The following REL variants were observed in gnomAD, a reference collection of about 807,000 sequenced individuals.
REL encodes the protein REL proto-oncogene, NF-kB subunit, also known as proto-oncogene c-Rel.
In REL, 15 loss-of-function variants were observed where a neutral mutation model predicts 45.9. The ratio of observed to expected loss-of-function variants is 0.33; its 90% CI spans 0.22 to 0.50. REL has a LOEUF of 0.50. Among genes scored for constraint, REL ranks in the 20% least tolerant of loss-of-function variants. The pLI is 0.98. For synonymous variants in REL, 239 were observed against 242.1 expected, an observed-to-expected ratio of 0.99 and a Z score of 0.12; for missense variants, 601 against 715.2, an observed-to-expected ratio of 0.84 and a Z score of 1.82.
chr2:60,894,611 A>G (rs1258786793), intron 3 of REL, 66 bp downstream of exon 3: 4 of 1,226,422 alleles, frequency 3.3e-6, no homozygotes, highest in Non-Finnish European at 4.4e-6. Flanking sequence ...TTTCTTCTCC[A>G]TGACAATCTG....
intron 1 of REL, among the ~76,000 whole-genome samples, chr2:60,882,499 A>G (rs1376734238): frequency 6.6e-6 from 1 of 152,012 alleles, no homozygotes; most frequent in African/African-American, 2.4e-5. Context: ...ACATGGTGAA[A>G]CCCCGTCTCT....
At position 60,904,949 on chromosome 2, in the gene REL, A is replaced by G. The variant is rs568279672; in HGVS notation, c.394+3866A>G. Among the ~76,000 whole-genome samples, 48 of 152,284 alleles carry G rather than the reference A, an allele frequency of 3.2e-4. 1 individual carries two copies. In the South Asian group the frequency reaches 7.3e-3, roughly 23 times the overall value. ...TATATAGCTGATGAGTGGTAGAGCT[A>G]GGATTTGAACATAGGGAGCCCCTGA... On this transcript the variant is annotated intron_variant, in intron 4 of 9. Coordinates refer to ENST00000394479, the MANE Select transcript of REL (RefSeq NM_001291746.2).
At chr2:60,892,205 T>A (rs2103928692) in intron 2 of REL, among the ~76,000 whole-genome samples, 1 of 152,294 alleles carries the variant, frequency 6.6e-6, no homozygotes, top group South Asian at 2.1e-4. Context: ...TAAACATGGA[T>A]TTGAGAACTC....
intron 1 of REL, among the ~76,000 whole-genome samples, chr2:60,890,038 T>C (rs1016253023): frequency 3.9e-5 from 6 of 152,246 alleles, no homozygotes; most frequent in Non-Finnish European, 7.3e-5. Flanking sequence ...ACTTCCACAA[T>C]GGTTGAACTA....
At chr2:60,900,523 ACTT>A (rs1311884655) in intron 3 of REL, 8 of 154,570 alleles carry the variant, frequency 5.2e-5, no homozygotes, top group East Asian at 3.6e-4. Flanking sequence ...GTACAACCCC[ACTT>A]CTTTTTTTTT....
chr2:60,911,002 A>G (rs938853653), intron 4 of REL, among the ~76,000 whole-genome samples: 2 of 152,218 alleles, frequency 1.3e-5, no homozygotes, highest in African/African-American at 4.8e-5. Context: ...GTATTATAGA[A>G]TGATATGTAT....
rs1404698020 is a variant in REL, at chr2:60,930,106, A to T, written c.*7571A>T. The T allele has an allele frequency of 9.2e-5, 14 of 152,392 alleles. No individual in the cohort carries two copies. The highest frequency in any genetic ancestry group is 7.8e-4 in the Admixed American group (12 of 15,300). 9.4% of individuals were successfully genotyped at this position (152,392 alleles called of 1,614,324 possible). ...ACATGCTTTTAAATAGCATGGAGAA[A>T]TGGAAAGAATAGGGACTTTTTACTC... On this transcript the variant is annotated 3_prime_UTR_variant, in exon 10 of 10. Transcript: ENST00000394479.
At chr2:60,904,432 G>A (rs941895613) in intron 4 of REL, among the ~76,000 whole-genome samples, 3 of 151,362 alleles carry the variant, frequency 2.0e-5, no homozygotes, top group Admixed American at 6.6e-5. Flanking sequence ...TTAGCCGGGC[G>A]TGGTGGCGCA....
intron 4 of REL, among the ~76,000 whole-genome samples, chr2:60,905,695 G>A (rs1673628209): frequency 6.6e-6 from 1 of 152,082 alleles, no homozygotes; most frequent in African/African-American, 2.4e-5. Flanking sequence ...TAGAGCAGGA[G>A]TGAAAGTTTA....
chr2:60,930,155 A>G lies in REL; in HGVS notation c.*7620A>G, dbSNP rs1674354823. ...TCAGGTAATACCCAGCCTGCTACCT[A>G]ACAGGTTGTGTTGTACTAAATAAAA... On this transcript the variant is annotated 3_prime_UTR_variant, in exon 10 of 10. Transcript: ENST00000394479. 2 of 152,314 alleles carry G rather than the reference A, an allele frequency of 1.3e-5. No individual in the cohort carries two copies. The highest frequency in any genetic ancestry group is 6.5e-5 in the Admixed American group (1 of 15,284). The allele number at this position is 152,314 out of a possible 1,614,324, so 9.4% of individuals were successfully genotyped here.
At chr2:60,893,665 A>C (rs191801318) in intron 2 of REL, among the ~76,000 whole-genome samples, 5 of 152,278 alleles carry the variant, frequency 3.3e-5, no homozygotes, top group Non-Finnish European at 7.4e-5. Context: ...TTTAAATTCA[A>C]AATTATGGAT....
chr2:60,915,978 G>T (rs757556241), intron 4 of REL, among the ~76,000 whole-genome samples: 8 of 152,148 alleles, frequency 5.3e-5, no homozygotes, highest in Non-Finnish European at 8.8e-5. Flanking sequence ...ATACTCTTGT[G>T]TATGTCATTT....
At chr2:60,914,519 A>G (rs1407189948) in intron 4 of REL, among the ~76,000 whole-genome samples, 1 of 152,188 alleles carries the variant, frequency 6.6e-6, no homozygotes, top group Non-Finnish European at 1.5e-5. Flanking sequence ...TTTATGTGCC[A>G]TTTAAAAATA....
intron 8 of REL, 51 bp downstream of exon 8, chr2:60,920,160 CTTTA>C: frequency 7.7e-7 from 1 of 1,302,210 alleles, no homozygotes; most frequent in Non-Finnish European, 1.1e-6. Flanking sequence ...GTTTTATTTA[CTTTA>C]TTCAGTTTTT....
At position 60,910,464 on chromosome 2, in the gene REL, C is replaced by CA. The variant is rs58492515; in HGVS notation, c.395-6403dup. Among the ~76,000 whole-genome samples, 180 of 62,174 alleles carry CA rather than the reference C, an allele frequency of 2.9e-3. 1 individual carries two copies. The highest frequency in any genetic ancestry group is 7.2e-3 in the Admixed American group (40 of 5,526). 40.8% of individuals were successfully genotyped at this position (62,174 alleles called of 152,430 possible). A position where few individuals can be genotyped will look rare whatever the true frequency, so the allele number is the denominator to read the frequency against. On this transcript the variant is annotated intron_variant, in intron 4 of 9. Transcript: ENST00000394479. ...TGGGTGACAGAGTGAGACTCCATCT[C>CA]AAAAAAAAAACAAAAAACAAAAAAA...
intron 4 of REL, among the ~76,000 whole-genome samples, chr2:60,911,994 CAAAAAAAAA>C (rs763342298): frequency 1.6e-4 from 6 of 37,320 alleles, no homozygotes; most frequent in African/African-American, 5.1e-4. Flanking sequence ...AAGACTGTCT[CAAAAAAAAA>C]AAAAAAAAAA....
chr2:60,917,075 T>G (rs1673988993), intron 5 of REL, 58 bp downstream of exon 5: 4 of 1,414,454 alleles, frequency 2.8e-6, no homozygotes, highest in Non-Finnish European at 3.9e-6. Flanking sequence ...AATAGTTTAA[T>G]TCTTAAAATT....
chr2:60,921,751 T>C lies in REL; in HGVS notation c.992-12T>C. The C allele has an allele frequency of 6.4e-7, 1 of 1,562,124 alleles. No individual in the cohort carries two copies. Among genetic ancestry groups the C allele is most frequent in the Non-Finnish European group, 8.7e-7 (1 of 1,153,794 alleles). On this transcript the variant is annotated splice_polypyrimidine_tract_variant and intron_variant, in intron 9 of 9. Transcript: ENST00000394479. ...CATTTTAATTTCGTAAAATAAATTT[T>C]TCCTCCCACAGAACCAAACTTGTTT... is the stretch of plus-strand genomic sequence containing the variant.
chr2:60,889,712 G>A (rs1403369701), intron 1 of REL, among the ~76,000 whole-genome samples: 2 of 152,010 alleles, frequency 1.3e-5, no homozygotes, highest in South Asian at 4.1e-4. Context: ...AGAACATGCG[G>A]TGTTTGGTTT....
Sources: gnomAD v4.1 joint callset for allele counts (sites outside exome capture counted in the v4.1 genomes callset) on GRCh38, gnomAD v4.1.1 for gene constraint, MANE v1.5 for transcripts, NCBI Gene and HGNC (gene_info 2026-07-23, HGNC 2026-07-21) for gene names.